The following SCD5 variants were observed in gnomAD, a reference collection of about 807,000 sequenced individuals.
SCD5 encodes the protein stearoyl-CoA desaturase 5, also known as acyl-CoA-desaturase 4.
A neutral mutation model predicts 30.4 loss-of-function variants in SCD5; 20 were observed. The ratio of observed to expected loss-of-function variants is 0.66; its 90% confidence interval spans 0.46 to 0.96. The LOEUF (loss-of-function observed/expected upper bound fraction) is 0.96. Among genes scored for constraint, SCD5 ranks in the 40% least tolerant of loss-of-function variants. The pLI, the probability that SCD5 is intolerant of heterozygous loss-of-function variation, is 0.00. For missense variants in SCD5, 381 were observed against 443.3 expected (o/e 0.86, Z 1.26); for synonymous variants, 173 against 176.4 (o/e 0.98, Z 0.16).
chr4:82,693,406 A>C (rs1051840486), intron 2 of SCD5, among the ~76,000 whole-genome samples: 27 of 152,114 alleles, frequency 1.8e-4, no homozygotes, highest in African/African-American at 6.3e-4. Flanking sequence ...TTGAATCTGC[A>C]CACTTCTCAT....
chr4:82,661,136 T>A, intron 3 of SCD5: 1 of 1,430,768 alleles, frequency 7.0e-7, no homozygotes, highest in Non-Finnish European at 9.8e-7. Flanking sequence ...AGCAAGGGTT[T>A]AATTTCTCTA....
At chr4:82,674,370 T>C (rs1448012209) in intron 3 of SCD5, among the ~76,000 whole-genome samples, 4 of 152,112 alleles carry the variant, frequency 2.6e-5, no homozygotes, top group Admixed American at 2.6e-4. Context: ...AATATATAGA[T>C]GGAACAATAA....
rs10701664 is a variant in SCD5, at chr4:82,702,130, C to CTTTT, written c.363+3149_363+3152dup. 1.4e-3 allele frequency among the ~76,000 whole-genome samples: 87 copies of CTTTT among 64,116 alleles called. 10 individuals are homozygous for CTTTT. Among genetic ancestry groups the CTTTT allele is most frequent in the African/African-American group, 3.0e-3 (54 of 17,832 alleles). The allele number at this position is 64,116 out of a possible 152,430, so 42.1% of individuals were successfully genotyped here. ...TCAGGCATTCCTGCCCCATCATCAT[C>CTTTT]TTTTTTTTTTTTTTTTTTTTTTTTT... On this transcript the variant is annotated intron_variant, in intron 2 of 4. Coordinates refer to ENST00000319540, the MANE Select transcript of SCD5 (RefSeq NM_001037582.3).
chr4:82,771,382 T>C (rs1721616310), intron 1 of SCD5, among the ~76,000 whole-genome samples: 1 of 152,170 alleles, frequency 6.6e-6, no homozygotes, highest in South Asian at 2.1e-4. Flanking sequence ...TCTCTCAGGC[T>C]CTGATTCTGA....
chr4:82,729,315 G>A (rs1720576518), intron 1 of SCD5, among the ~76,000 whole-genome samples: 1 of 152,198 alleles, frequency 6.6e-6, no homozygotes, highest in Admixed American at 6.5e-5. Context: ...CTATGGTGGT[G>A]AGGAGGGCCA....
intron 1 of SCD5, among the ~76,000 whole-genome samples, chr4:82,765,752 G>T (rs1449252327): frequency 4.6e-5 from 7 of 152,022 alleles, no homozygotes; most frequent in African/African-American, 1.4e-4. Flanking sequence ...GAGTAGCTGG[G>T]ACTACAGGTG....
intron 3 of SCD5, among the ~76,000 whole-genome samples, chr4:82,662,047 A>G (rs1270814321): frequency 3.9e-5 from 6 of 152,180 alleles, no homozygotes; most frequent in Non-Finnish European, 7.4e-5. Context: ...TGAACAGAAC[A>G]GTGTATGTTA....
chr4:82,700,668 T>G (rs1465186167), intron 2 of SCD5, among the ~76,000 whole-genome samples: 1 of 151,864 alleles, frequency 6.6e-6, no homozygotes, highest in Non-Finnish European at 1.5e-5. Context: ...GTGCCTATAG[T>G]CCTAGCTACT....
intron 1 of SCD5, among the ~76,000 whole-genome samples, chr4:82,797,704 G>C (rs1722254655): frequency 6.6e-6 from 1 of 152,064 alleles, no homozygotes; most frequent in Admixed American, 6.5e-5. Context: ...GGGCATAGAA[G>C]ATTGCGGAGG....
At chr4:82,731,017 C>T (rs1037401791) in intron 1 of SCD5, among the ~76,000 whole-genome samples, 2 of 152,254 alleles carry the variant, frequency 1.3e-5, no homozygotes, top group African/African-American at 4.8e-5. Flanking sequence ...CAGGAAACCC[C>T]CAGACCCATC....
chr4:82,754,528 C>A (rs1032649279), intron 1 of SCD5, among the ~76,000 whole-genome samples: 1 of 152,090 alleles, frequency 6.6e-6, no homozygotes, highest in Non-Finnish European at 1.5e-5. Flanking sequence ...ACCCACCCTC[C>A]CCTCACCAGC....
At position 82,631,244 on chromosome 4, in the gene SCD5, G is replaced by C; in HGVS notation, c.*83C>G. On this transcript the variant is annotated 3_prime_UTR_variant, in exon 5 of 5. Coordinates refer to ENST00000319540, the MANE Select transcript of SCD5 (RefSeq NM_001037582.3). ...TTCCCCACCCTCTGCCCCCTCCCACGATCCAATGTACAAGAGAGCTATTGT... is the reference window on the plus strand; with the variant it reads ...TTCCCCACCCTCTGCCCCCTCCCACCATCCAATGTACAAGAGAGCTATTGT... 3.6e-6 allele frequency: 4 copies of C among 1,116,518 alleles called. No individual in the cohort carries two copies. The highest frequency in any genetic ancestry group is 5.0e-6 in the Non-Finnish European group (4 of 803,698). 69.2% of individuals were successfully genotyped at this position (1,116,518 alleles called of 1,614,324 possible).
At position 82,798,340 on chromosome 4, in the gene SCD5, G is replaced by C; in HGVS notation, c.198C>G (p.Leu66=). The change falls in exon 1 of 5, where the codon CTC becomes CTG. Residue 66 remains leucine (L), a synonymous_variant. Coordinates refer to ENST00000319540, the MANE Select transcript of SCD5 (RefSeq NM_001037582.3). ...LHLGAVYSLV[L]IPKAKPLTLL... ...GAGTGAGTGGCTTGGCTTTGGGGAT[G>C]AGCACCAGGGAGTACACGGCCCCCA... is the stretch of plus-strand genomic sequence containing the variant. 1.2e-6 allele frequency: 2 copies of C among 1,612,102 alleles called. No individual in the cohort carries two copies. The highest frequency in any genetic ancestry group is 1.7e-6 in the Non-Finnish European group (2 of 1,179,196).
At chr4:82,721,025 T>TGGC (rs1324757390) in intron 1 of SCD5, among the ~76,000 whole-genome samples, 1 of 152,058 alleles carries the variant, frequency 6.6e-6, no homozygotes, top group African/African-American at 2.4e-5. Flanking sequence ...GGTGTGGTGG[T>TGGC]GGCACATGCC....
Position 82,753,727 on chromosome 4 carries a change from C to G in SCD5, c.232+44579G>C, listed in dbSNP as rs140746290. ...AAATGCATCCATATTTGCCTCCCCC[C>G]TCAGCCATCTTCCCCTTTTCCCCTG... On this transcript the variant is annotated intron_variant, in intron 1 of 4. Transcript: ENST00000319540. Among the ~76,000 whole-genome samples, 1,230 of 152,264 alleles carry G rather than the reference C, an allele frequency of 8.1e-3. 25 individuals are homozygous for G. The highest frequency in any genetic ancestry group is 0.028 in the African/African-American group (1,173 of 41,548).
At chr4:82,775,341 G>A (rs1721722455) in intron 1 of SCD5, 1 of 152,350 alleles carries the variant, frequency 6.6e-6, no homozygotes, top group Non-Finnish European at 1.5e-5. Context: ...TTGTTCAATG[G>A]CTCTTGGGTA....
At chr4:82,750,087 T>C (rs1721068880) in intron 1 of SCD5, among the ~76,000 whole-genome samples, 1 of 152,206 alleles carries the variant, frequency 6.6e-6, no homozygotes, top group Non-Finnish European at 1.5e-5. Context: ...TGAACAATTG[T>C]AGTGGGGATT....
intron 3 of SCD5, among the ~76,000 whole-genome samples, chr4:82,657,086 A>G (rs1451216184): frequency 1.3e-5 from 2 of 152,188 alleles, no homozygotes; most frequent in Non-Finnish European, 2.9e-5. Context: ...TGCTGTGCAG[A>G]AGCTCTCTAG....
rs535826626 is a variant in SCD5 at position 82,772,135 on chromosome 4, G to C, written c.232+26171C>G. ...TAGTGATTGAATAAATGTGTGAGTT[G>C]AGGGAAAGAAAGGAGTCCAGAATGA... On this transcript the variant is annotated intron_variant, in intron 1 of 4. Transcript: ENST00000319540. Among the ~76,000 whole-genome samples, 15 of 152,342 alleles carry C rather than the reference G, an allele frequency of 9.8e-5. No individual in the cohort carries two copies. The East Asian group carries it at 2.9e-3, about 29-fold the overall frequency.
Sources: gnomAD v4.1 joint callset for allele counts (sites outside exome capture counted in the v4.1 genomes callset) on GRCh38, gnomAD v4.1.1 for gene constraint, MANE v1.5 for transcripts, NCBI Gene and HGNC (gene_info 2026-07-23, HGNC 2026-07-21) for gene names.